Variants in PPP1R7 observed in about 807,000 individuals in gnomAD.
PPP1R7 encodes the protein protein phosphatase 1 regulatory subunit 22.
Under a neutral mutation model 45.2 loss-of-function variants are expected in PPP1R7, and 18 were observed. That is an observed-to-expected ratio of 0.40 (90% CI 0.28 to 0.59). The LOEUF (loss-of-function observed/expected upper bound fraction) is 0.59. Among genes scored for constraint, PPP1R7 ranks in the 20% least tolerant of loss-of-function variants. The pLI, the probability that PPP1R7 is intolerant of heterozygous loss-of-function variation, is 0.46. For missense variants in PPP1R7, 314 were observed against 455.8 expected (o/e 0.69, Z 2.83); for synonymous variants, 181 against 183.4 (o/e 0.99, Z 0.11).
intron 2 of PPP1R7, among the ~76,000 whole-genome samples, chr2:241,155,984 C>A (rs1483296939): frequency 6.6e-6 from 1 of 151,988 alleles, no homozygotes; most frequent in Non-Finnish European, 1.5e-5. Flanking sequence ...TTTTAACTAA[C>A]CACAGTTGAT....
At chr2:241,175,490 G>A (rs1044949415) in intron 9 of PPP1R7, among the ~76,000 whole-genome samples, 4 of 152,206 alleles carry the variant, frequency 2.6e-5, no homozygotes, top group African/African-American at 9.6e-5. Flanking sequence ...CACCCATTCT[G>A]TAAGCATGTG....
intron 9 of PPP1R7, among the ~76,000 whole-genome samples, chr2:241,181,624 T>TGTG (rs1399867842): frequency 6.6e-6 from 1 of 152,248 alleles, no homozygotes; most frequent in Non-Finnish European, 1.5e-5. Flanking sequence ...GGACCACAGC[T>TGTG]GTGGGCAGGG....
chr2:241,180,432 C>T (rs1395739492), intron 9 of PPP1R7, among the ~76,000 whole-genome samples: 1 of 137,232 alleles, frequency 7.3e-6, no homozygotes, highest in Non-Finnish European at 1.6e-5. Flanking sequence ...GCAAAAAAAT[C>T]TCAAAATGTT....
At chr2:241,156,665 C>A (rs1424110667) in intron 2 of PPP1R7, among the ~76,000 whole-genome samples, 1 of 150,244 alleles carries the variant, frequency 6.7e-6, no homozygotes, top group Non-Finnish European at 1.5e-5. Context: ...CAGAGTGAGA[C>A]CCTGTCTCTT....
intron 1 of PPP1R7, among the ~76,000 whole-genome samples, chr2:241,152,164 C>G (rs1394656981): frequency 6.6e-6 from 1 of 152,236 alleles, no homozygotes; most frequent in Non-Finnish European, 1.5e-5. Context: ...GCTAACTGCT[C>G]TTGTGCCTTT....
At chr2:241,174,947 T>C (rs1194918980) in intron 9 of PPP1R7, among the ~76,000 whole-genome samples, 1 of 152,170 alleles carries the variant, frequency 6.6e-6, no homozygotes, top group Admixed American at 6.5e-5. Flanking sequence ...GGTGCTGGGA[T>C]TACAGGTGTG....
intron 9 of PPP1R7, 110 bp from the exon 10 acceptor site, chr2:241,182,537 C>G: frequency 7.3e-7 from 1 of 1,376,526 alleles, no homozygotes; most frequent in Non-Finnish European, 1.0e-6. Context: ...AAGACCCACA[C>G]CTGCTCGCCA....
At chr2:241,178,614 G>A (rs1432986681) in intron 9 of PPP1R7, among the ~76,000 whole-genome samples, 7 of 79,282 alleles carry the variant, frequency 8.8e-5, no homozygotes, top group African/African-American at 2.0e-4. Context: ...CCGCCACCAC[G>A]CTCCGCTAAT....
At chr2:241,151,459 G>C in intron 1 of PPP1R7, 1 of 471,200 alleles carries the variant, frequency 2.1e-6, no homozygotes, top group Non-Finnish European at 4.4e-6. Flanking sequence ...CTCTGAGCTG[G>C]AGCCTGAAGA....
At chr2:241,170,828 G>T (rs979261128) in intron 9 of PPP1R7, among the ~76,000 whole-genome samples, 7 of 152,168 alleles carry the variant, frequency 4.6e-5, no homozygotes, top group African/African-American at 4.8e-5. Flanking sequence ...ACCAGAGCAT[G>T]TCTGGGAAGA....
intron 8 of PPP1R7, among the ~76,000 whole-genome samples, chr2:241,166,763 G>A (rs1208328798): frequency 6.6e-6 from 1 of 152,156 alleles, no homozygotes; most frequent in Non-Finnish European, 1.5e-5. Flanking sequence ...GTGCACTGCA[G>A]GCATTTTGCA....
chr2:241,155,394 A>T (rs2067431391), intron 2 of PPP1R7: 1 of 152,160 alleles, frequency 6.6e-6, no homozygotes, highest in Non-Finnish European at 1.5e-5. Context: ...TTTCTTCGAG[A>T]TGATTAGCTG....
intron 9 of PPP1R7, among the ~76,000 whole-genome samples, chr2:241,179,659 C>A (rs973405105): frequency 6.6e-6 from 1 of 152,216 alleles, no homozygotes; most frequent in Admixed American, 6.5e-5. Context: ...GGCTCCCTGA[C>A]AGCCCCAGTG....
intron 8 of PPP1R7, among the ~76,000 whole-genome samples, chr2:241,169,256 A>G (rs1254757327): frequency 6.6e-6 from 1 of 152,126 alleles, no homozygotes; most frequent in Non-Finnish European, 1.5e-5. Flanking sequence ...CTGGGGTCTG[A>G]GAGTCCTGCC....
intron 4 of PPP1R7, 181 bp downstream of exon 4, chr2:241,158,730 G>C (rs2067517434): frequency 1.6e-6 from 1 of 610,396 alleles, no homozygotes; most frequent in Non-Finnish European, 2.9e-6. Flanking sequence ...AGCAGTCGAG[G>C]GACTTGAGGC....
chr2:241,172,088 A>T (rs954946312), intron 9 of PPP1R7, among the ~76,000 whole-genome samples: 4 of 150,502 alleles, frequency 2.7e-5, no homozygotes. Context: ...CTATCATCTT[A>T]GTATTTGTTT....
intron 9 of PPP1R7, among the ~76,000 whole-genome samples, chr2:241,179,428 G>A (rs2067963633): frequency 6.6e-6 from 1 of 152,222 alleles, no homozygotes; most frequent in African/African-American, 2.4e-5. Flanking sequence ...TGTTTAGTCT[G>A]ATCTAACCAA....
intron 9 of PPP1R7, among the ~76,000 whole-genome samples, 166 bp from the exon 10 acceptor site, chr2:241,182,481 C>T (rs573103703): frequency 3.3e-5 from 5 of 152,230 alleles, no homozygotes; most frequent in African/African-American, 9.6e-5. Flanking sequence ...CTGAAGGTGG[C>T]CAGGATGCAC....
chr2:241,157,999 T>C, intron 3 of PPP1R7, 137 bp downstream of exon 3: 2 of 838,218 alleles, frequency 2.4e-6, no homozygotes, highest in Non-Finnish European at 3.8e-6. Context: ...CCCGTGTTCA[T>C]GTTTTTCTTA....
Sources: allele counts gnomAD v4.1 joint callset (sites outside exome capture counted in the v4.1 genomes callset), GRCh38; gene constraint gnomAD v4.1.1; transcripts MANE v1.5; gene names NCBI Gene and HGNC (gene_info 2026-07-23, HGNC 2026-07-21).